ARHGAP22: variants seen among roughly 807,000 people sequenced by gnomAD.
ARHGAP22 encodes rho GTPase-activating protein 22.
A neutral mutation model predicts 59.1 loss-of-function variants in ARHGAP22; 48 were observed. That is an observed-to-expected ratio of 0.81 (90% CI 0.64 to 1.03). The LOEUF is 1.03. Among genes scored for constraint, ARHGAP22 ranks in the 50% least tolerant of loss-of-function variants. The pLI is 0.00. For synonymous variants in ARHGAP22, 445 were observed against 416.4 expected (o/e 1.07, Z -0.84); for missense variants, 1,015 against 958.7 (o/e 1.06, Z -0.78).
chr10:48,497,793 A>G (rs76867577), intron 3 of ARHGAP22, among the ~76,000 whole-genome samples: 1 of 152,160 alleles, frequency 6.6e-6, no homozygotes, highest in Non-Finnish European at 1.5e-5. Flanking sequence ...CAGGGGCTCA[A>G]TAAACGGACC....
chr10:48,628,338 C>T (rs1051244851), intron 1 of ARHGAP22, among the ~76,000 whole-genome samples: 2 of 152,246 alleles, frequency 1.3e-5, no homozygotes, highest in Non-Finnish European at 1.5e-5. Flanking sequence ...TCTTGATTCA[C>T]ACATATGGCC....
chr10:48,648,616 A>G (rs907102681), intron 1 of ARHGAP22, among the ~76,000 whole-genome samples: 5 of 152,346 alleles, frequency 3.3e-5, no homozygotes, highest in African/African-American at 1.2e-4. Flanking sequence ...AGGTGGTCAG[A>G]GAAAGCCTTA....
chr10:48,600,636 A>G (rs61838389), intron 1 of ARHGAP22, among the ~76,000 whole-genome samples: 1,758 of 151,846 alleles, frequency 0.012, 19 homozygotes, highest in Middle Eastern at 0.031. Flanking sequence ...ATTTCCTCGA[A>G]TCAGGTTCCC....
chr10:48,652,498 C>A, exon 1 of ARHGAP22: 1 of 580,874 alleles, frequency 1.7e-6, no homozygotes, highest in Non-Finnish European at 3.1e-6. Flanking sequence ...AGCGTAAGTG[C>A]ATCTAGGGAT....
At chr10:48,512,275 T>C (rs1002374815) in intron 3 of ARHGAP22, among the ~76,000 whole-genome samples, 3 of 152,252 alleles carry the variant, frequency 2.0e-5, no homozygotes, top group African/African-American at 7.2e-5. Context: ...AGTATTAACA[T>C]GAAACAGATA....
upstream of ARHGAP22, among the ~76,000 whole-genome samples, chr10:48,609,512 C>T (rs2060799564): frequency 6.6e-6 from 1 of 152,164 alleles, no homozygotes; most frequent in African/African-American, 2.4e-5. Context: ...TGGAGCCAAG[C>T]CCTCACTGTC....
chr10:48,447,476 C>T (rs2045475638), intron 9 of ARHGAP22, among the ~76,000 whole-genome samples: 1 of 152,198 alleles, frequency 6.6e-6, no homozygotes, highest in Admixed American at 6.5e-5. Context: ...CAGCACAGCA[C>T]CTGGTACGTG....
intron 3 of ARHGAP22, among the ~76,000 whole-genome samples, chr10:48,485,233 C>A (rs4838409): frequency 0.95 from 143,965 of 152,204 alleles, 68,627 homozygotes; most frequent in East Asian, 1. Context: ...CTAGTTTCTT[C>A]CAGAGTTCAG....
chr10:48,495,746 C>A (rs999181700), intron 3 of ARHGAP22, among the ~76,000 whole-genome samples: 1 of 152,246 alleles, frequency 6.6e-6, no homozygotes, highest in South Asian at 2.1e-4. Flanking sequence ...CAGGATGTCA[C>A]TTCTGAGATT....
At chr10:48,512,344 A>T (rs1488841650) in intron 3 of ARHGAP22, among the ~76,000 whole-genome samples, 2 of 152,250 alleles carry the variant, frequency 1.3e-5, no homozygotes, top group African/African-American at 4.8e-5. Context: ...GGGTGGCCTT[A>T]GGCAGGAAAT....
chr10:48,434,904 T>C, the ARHGAP22 span: 1 of 1,613,610 alleles, frequency 6.2e-7, no homozygotes, highest in Non-Finnish European at 8.5e-7. Flanking sequence ...GATCAATGGC[T>C]CTCAGCATCC....
chr10:48,586,478 C>T (rs959229851), intron 1 of ARHGAP22, among the ~76,000 whole-genome samples: 2 of 152,162 alleles, frequency 1.3e-5, no homozygotes, highest in Non-Finnish European at 2.9e-5. Context: ...TGTCTCCATG[C>T]AGAATTTGTT....
intron 1 of ARHGAP22, among the ~76,000 whole-genome samples, chr10:48,599,015 A>T (rs1406694262): frequency 1.3e-5 from 2 of 152,144 alleles, no homozygotes; most frequent in Admixed American, 1.3e-4. Context: ...CAATTTCCTT[A>T]TCCGAAAAAT....
intron 1 of ARHGAP22, among the ~76,000 whole-genome samples, chr10:48,650,403 C>T (rs1351543446): frequency 5.9e-5 from 9 of 152,070 alleles, no homozygotes; most frequent in Admixed American, 5.9e-4. Flanking sequence ...AGGCAGAACA[C>T]AGATTGATGT....
At chr10:48,468,375 A>AAGGC (rs1244917929) in intron 4 of ARHGAP22, among the ~76,000 whole-genome samples, 2 of 152,164 alleles carry the variant, frequency 1.3e-5, no homozygotes, top group African/African-American at 4.8e-5. Flanking sequence ...TTTTACCAGG[A>AAGGC]AGGCAGAAGG....
intron 3 of ARHGAP22, among the ~76,000 whole-genome samples, chr10:48,529,763 C>T (rs999011423): frequency 2.6e-5 from 4 of 152,082 alleles, no homozygotes; most frequent in Non-Finnish European, 4.4e-5. Flanking sequence ...GGCATATAGA[C>T]GATTGGAACA....
intron 3 of ARHGAP22, among the ~76,000 whole-genome samples, chr10:48,545,590 G>A (rs1050760430): frequency 6.6e-6 from 1 of 152,208 alleles, no homozygotes; most frequent in African/African-American, 2.4e-5. Flanking sequence ...GCCGGTATCA[G>A]CATCCTCCCC....
At chr10:48,459,452 G>A (rs2046918553) in intron 5 of ARHGAP22, among the ~76,000 whole-genome samples, 1 of 152,222 alleles carries the variant, frequency 6.6e-6, no homozygotes, top group African/African-American at 2.4e-5. Context: ...GCATGTGCAG[G>A]GGAGGCAGGC....
chr10:48,431,302 C>A, the ARHGAP22 span: 14 of 1,440,118 alleles, frequency 9.7e-6, no homozygotes, highest in Admixed American at 2.0e-4. Flanking sequence ...GTTAAGATTA[C>A]AGTTTACTTC....
Sources: allele counts gnomAD v4.1 joint callset (sites outside exome capture counted in the v4.1 genomes callset), GRCh38; gene constraint gnomAD v4.1.1; transcripts MANE v1.5; gene names NCBI Gene and HGNC (gene_info 2026-07-23, HGNC 2026-07-21).